Variants in CDK7 observed in about 807,000 individuals in gnomAD.
CDK7 encodes cyclin-dependent kinase 7.
CDK7 carries 25 observed loss-of-function variants against 49.1 expected under a neutral mutation model. The ratio of observed to expected loss-of-function variants is 0.51; its 90% CI spans 0.37 to 0.71. The LOEUF is 0.71. Among genes scored for constraint, CDK7 ranks in the 30% least tolerant of loss-of-function variants. The probability of loss-of-function intolerance (pLI) is 0.00; values close to 1 mark genes in which losing one functional copy is unlikely to be tolerated. For synonymous variants in CDK7, 107 were observed against 140.0 expected, an observed-to-expected ratio of 0.76 and a Z score of 1.67; for missense variants, 316 against 411.7, an observed-to-expected ratio of 0.77 and a Z score of 2.01.
At chr5:69,242,249 G>A (rs1169587473) in intron 2 of CDK7, among the ~76,000 whole-genome samples, 1 of 152,176 alleles carries the variant, frequency 6.6e-6, no homozygotes, top group Non-Finnish European at 1.5e-5. Flanking sequence ...CTGAGAATTC[G>A]GGGGCTAGGG....
intron 2 of CDK7, among the ~76,000 whole-genome samples, chr5:69,239,459 C>A (rs1425463057): frequency 1.3e-5 from 2 of 151,948 alleles, no homozygotes; most frequent in South Asian, 2.1e-4. Context: ...TTAATAGAGA[C>A]AAGGTTTCAC....
chr5:69,264,709 G>A, intron 8 of CDK7, among the ~76,000 whole-genome samples: 1 of 152,178 alleles, frequency 6.6e-6, no homozygotes, highest in African/African-American at 2.4e-5. Flanking sequence ...AGTAGCTCAT[G>A]CCTGTAATCC....
At chr5:69,239,175 T>C (rs1052320717) in intron 2 of CDK7, among the ~76,000 whole-genome samples, 2 of 152,184 alleles carry the variant, frequency 1.3e-5, no homozygotes, top group East Asian at 3.8e-4. Flanking sequence ...TTACCAGATA[T>C]GGTCAAATTG....
intron 8 of CDK7, among the ~76,000 whole-genome samples, chr5:69,266,882 G>A (rs1358953878): frequency 6.6e-6 from 1 of 152,056 alleles, no homozygotes; most frequent in Non-Finnish European, 1.5e-5. Flanking sequence ...TGTATAAGAA[G>A]GGGAATTAAT....
intron 2 of CDK7, among the ~76,000 whole-genome samples, chr5:69,242,028 A>G (rs1394414424): frequency 1.3e-5 from 2 of 152,182 alleles, no homozygotes. Flanking sequence ...TAGTAGTTTC[A>G]TAGTTTGAAG....
intron 2 of CDK7, among the ~76,000 whole-genome samples, chr5:69,244,327 C>T (rs1387906794): frequency 1.3e-5 from 2 of 152,026 alleles, no homozygotes; most frequent in African/African-American, 2.4e-5. Flanking sequence ...CAGTTCTAGT[C>T]GTTTTTTGGT....
intron 3 of CDK7, 43 bp downstream of exon 3, chr5:69,252,494 CTTTTTTTTTTTTT>C (rs138764556): frequency 9.1e-5 from 33 of 364,290 alleles, no homozygotes; most frequent in Admixed American, 2.0e-4. Flanking sequence ...AAGTTTTCTC[CTTTTTTTTTTTTT>C]TTTTTTTTTT....
chr5:69,272,179 T>C (rs1751627727), intron 9 of CDK7, among the ~76,000 whole-genome samples: 1 of 152,222 alleles, frequency 6.6e-6, no homozygotes, highest in Non-Finnish European at 1.5e-5. Flanking sequence ...TTTTCACTTT[T>C]TTCAAAAATC....
intron 8 of CDK7, among the ~76,000 whole-genome samples, chr5:69,266,145 C>A (rs901361821): frequency 2.0e-5 from 3 of 152,110 alleles, no homozygotes; most frequent in Admixed American, 2.0e-4. Flanking sequence ...GCATTTGGGG[C>A]CTTTAGAGGG....
intron 5 of CDK7, 97 bp downstream of exon 5, chr5:69,255,625 G>A: frequency 1.1e-6 from 1 of 893,642 alleles, no homozygotes. Context: ...GGTAGTAAAA[G>A]AAAAAAAGCT....
intron 2 of CDK7, among the ~76,000 whole-genome samples, chr5:69,238,004 C>G (rs1237757273): frequency 6.6e-6 from 1 of 152,090 alleles, no homozygotes; most frequent in South Asian, 2.1e-4. Context: ...TATTCCAACA[C>G]TCATAATTTC....
chr5:69,272,750 T>C, intron 9 of CDK7, 142 bp from the exon 10 acceptor site: 1 of 448,828 alleles, frequency 2.2e-6, no homozygotes, highest in Non-Finnish European at 4.0e-6. Flanking sequence ...TTCAGCCTTG[T>C]CTTACTACTA....
intron 2 of CDK7, among the ~76,000 whole-genome samples, chr5:69,241,120 C>CAAAT (rs1389203686): frequency 6.6e-6 from 1 of 152,078 alleles, no homozygotes; most frequent in Non-Finnish European, 1.5e-5. Flanking sequence ...ATTGCTAGAT[C>CAAAT]AAATGATAGT....
intron 2 of CDK7, among the ~76,000 whole-genome samples, chr5:69,242,948 G>A (rs1395908741): frequency 6.6e-6 from 1 of 152,150 alleles, no homozygotes; most frequent in Non-Finnish European, 1.5e-5. Context: ...TGCAGGCTGA[G>A]GCAGGAGAAT....
chr5:69,274,639 G>A (rs1029514981), intron 10 of CDK7, among the ~76,000 whole-genome samples: 6 of 152,000 alleles, frequency 3.9e-5, no homozygotes, highest in Admixed American at 2.0e-4. Context: ...TTTTTGAGAC[G>A]AAGTCTTGCT....
At position 69,277,250 on chromosome 5, in the gene CDK7, A is replaced by G; in HGVS notation, c.*115A>G. On this transcript the variant is annotated 3_prime_UTR_variant, in exon 12 of 12. Coordinates refer to ENST00000256443, the MANE Select transcript of CDK7 (RefSeq NM_001799.4). ...AAGTGAGTTTGTAAATATTCTACACATGTAAAATATGTAAAACTATGGGTT... is the reference window on the plus strand; with the variant it reads ...AAGTGAGTTTGTAAATATTCTACACGTGTAAAATATGTAAAACTATGGGTT... 5.2e-6 allele frequency: 3 copies of G among 574,900 alleles called. No homozygotes were observed. The highest frequency in any genetic ancestry group is 9.0e-6 in the Non-Finnish European group (3 of 332,378). 35.6% of individuals were successfully genotyped at this position (574,900 alleles called of 1,614,324 possible).
In CDK7 at chr5:69,235,381, T is replaced by C. The variant is rs1474070400; in HGVS notation, c.67-13T>C. ...CTCCCATAAACTTATGTTATTTCTA[T>C]TTTTCTTTCTAGTTTGCCACCGTTT... On this transcript the variant is annotated splice_polypyrimidine_tract_variant and intron_variant, in intron 1 of 11. Coordinates refer to ENST00000256443, the MANE Select transcript of CDK7 (RefSeq NM_001799.4). The C allele has an allele frequency of 1.9e-6, 3 of 1,570,732 alleles. No individual in the cohort carries two copies. In the African/African-American group the frequency reaches 4.1e-5, roughly 21 times the overall value.
At chr5:69,263,905 A>G (rs1750986378) in intron 8 of CDK7, among the ~76,000 whole-genome samples, 1 of 152,246 alleles carries the variant, frequency 6.6e-6, no homozygotes, top group Admixed American at 6.5e-5. Context: ...AGCCATTGGC[A>G]TTGTTGCTGG....
intron 4 of CDK7, among the ~76,000 whole-genome samples, chr5:69,255,026 A>G (rs546474727): frequency 2.6e-5 from 4 of 152,302 alleles, no homozygotes; most frequent in East Asian, 3.9e-4. Flanking sequence ...CCTCATAGGG[A>G]AGTTGTGAGA....
Sources: gnomAD v4.1 joint callset for allele counts (sites outside exome capture counted in the v4.1 genomes callset) on GRCh38, gnomAD v4.1.1 for gene constraint, MANE v1.5 for transcripts, NCBI Gene and HGNC (gene_info 2026-07-23, HGNC 2026-07-21) for gene names.